CLSTN2: variants seen among roughly 807,000 people sequenced by gnomAD.
CLSTN2 encodes the protein calsyntenin 2, also known as calsyntenin-2.
Under a neutral mutation model 101.2 loss-of-function variants are expected in CLSTN2, and 48 were observed. That is an observed-to-expected ratio of 0.47 (90% CI 0.38 to 0.60). The LOEUF (loss-of-function observed/expected upper bound fraction) is 0.60, where lower values mean the gene tolerates loss of function less well. Ranked by LOEUF, CLSTN2 falls within the 20% of genes least tolerant of loss-of-function variation. CLSTN2 has a pLI of 0.00. For missense variants in CLSTN2, 1,160 were observed against 1,238.2 expected, an observed-to-expected ratio of 0.94 and a Z score of 0.95; for synonymous variants, 481 against 463.6, an observed-to-expected ratio of 1.04 and a Z score of -0.48.
chr3:140,546,658 G>A lies in CLSTN2; in HGVS notation c.1651G>A (p.Glu551Lys), dbSNP rs983353407. The A allele has an allele frequency of 6.2e-7, 1 of 1,612,996 alleles. No individual in the cohort carries two copies. Among genetic ancestry groups the A allele is most frequent in the Non-Finnish European group, 8.5e-7 (1 of 1,179,778 alleles). ...GGAAGGGCTGGACATTAATTCCTTG[G>A]AAAGCCTTGGCCAAGGAATAAAGGT... Reference protein sequence around the residue: ...CKEGLDINSLESLGQGIKYHF... With the variant: ...CKEGLDINSLKSLGQGIKYHF... Residue 551 changes from glutamate to lysine, a missense_variant, in exon 10 of 17, where the codon GAA becomes AAA. Physicochemically the swap from Glu to Lys is moderately conservative, Grantham distance 56. Coordinates refer to ENST00000458420, the MANE Select transcript of CLSTN2 (RefSeq NM_022131.3).
intron 2 of CLSTN2, among the ~76,000 whole-genome samples, chr3:140,345,264 T>TTTG (rs1241144183): frequency 0.033 from 4,895 of 149,580 alleles, 128 homozygotes; most frequent in Middle Eastern, 0.07. Context: ...TTTTTTTTTT[T>TTTG]TGAGACAGAG....
intron 9 of CLSTN2, among the ~76,000 whole-genome samples, chr3:140,542,750 T>C (rs370567003): frequency 2.4e-4 from 37 of 152,324 alleles, no homozygotes; most frequent in African/African-American, 8.4e-4. Context: ...TGAGAGAAGA[T>C]GGCTTATAGG....
At chr3:140,216,001 G>A (rs924135063) in intron 2 of CLSTN2, among the ~76,000 whole-genome samples, 3 of 152,200 alleles carry the variant, frequency 2.0e-5, no homozygotes, top group African/African-American at 4.8e-5. Context: ...TCCATGGCCT[G>A]TTAGGAACTG....
intron 2 of CLSTN2, among the ~76,000 whole-genome samples, chr3:140,383,329 T>G (rs1301808285): frequency 6.6e-6 from 1 of 152,186 alleles, no homozygotes; most frequent in African/African-American, 2.4e-5. Context: ...TGGTATATAA[T>G]GGGTGCCCAT....
intron 8 of CLSTN2, among the ~76,000 whole-genome samples, chr3:140,473,850 C>T (rs12639512): frequency 0.081 from 12,294 of 152,088 alleles, 638 homozygotes; most frequent in East Asian, 0.12. Flanking sequence ...CTCCGCCTCC[C>T]GGGCTCACGC....
intron 4 of CLSTN2, 32 bp downstream of exon 4, chr3:140,404,798 A>G: frequency 6.3e-7 from 1 of 1,582,934 alleles, no homozygotes; most frequent in Non-Finnish European, 8.7e-7. Flanking sequence ...CTGTGGGGTC[A>G]GGAAAACAAA....
intron 1 of CLSTN2, among the ~76,000 whole-genome samples, chr3:140,012,212 G>C (rs2007093222): frequency 6.6e-6 from 1 of 152,102 alleles, no homozygotes; most frequent in Non-Finnish European, 1.5e-5. Flanking sequence ...AGAATGCCAA[G>C]AGAAGGGAGG....
intron 1 of CLSTN2, among the ~76,000 whole-genome samples, chr3:140,087,785 G>T (rs1010741463): frequency 1.3e-5 from 2 of 152,312 alleles, no homozygotes; most frequent in South Asian, 2.1e-4. Flanking sequence ...GCTTCTCAGA[G>T]GAGGTGAATT....
intron 2 of CLSTN2, among the ~76,000 whole-genome samples, chr3:140,324,106 G>T (rs534243306): frequency 2.0e-5 from 3 of 152,196 alleles, no homozygotes; most frequent in Non-Finnish European, 4.4e-5. Context: ...TTTGTTGCCA[G>T]ATCTCTTCTA....
intron 2 of CLSTN2, among the ~76,000 whole-genome samples, chr3:140,263,631 C>A (rs1272602154): frequency 6.6e-6 from 1 of 152,136 alleles, no homozygotes; most frequent in Admixed American, 6.5e-5. Context: ...AGATGCTCCC[C>A]AAAAAACTTA....
intron 2 of CLSTN2, among the ~76,000 whole-genome samples, chr3:140,222,120 C>T (rs1445796211): frequency 1.3e-5 from 2 of 151,694 alleles, no homozygotes; most frequent in Non-Finnish European, 2.9e-5. Context: ...ATATACAAAA[C>T]GGGGTGCTGG....
At chr3:139,957,497 T>C (rs66817550) in intron 1 of CLSTN2, among the ~76,000 whole-genome samples, 2,019 of 152,262 alleles carry the variant, frequency 0.013, 24 homozygotes, top group Middle Eastern at 0.044. Flanking sequence ...TTTACTTTTT[T>C]TTTTTTTATC....
Position 140,576,596 on chromosome 3 carries a change from G to A in CLSTN2, c.*10343G>A, listed in dbSNP as rs914244219. On this transcript the variant is annotated 3_prime_UTR_variant, in exon 17 of 17. Coordinates refer to ENST00000458420, the MANE Select transcript of CLSTN2 (RefSeq NM_022131.3). ...GTGTGGGAAAGGCCTGAAAGAGAGAGGTATGTTTTCTCTCCTCCAGAGTCT... is the reference window on the plus strand; with the variant it reads ...GTGTGGGAAAGGCCTGAAAGAGAGAAGTATGTTTTCTCTCCTCCAGAGTCT... The A allele has an allele frequency of 1.2e-4, 19 of 152,196 alleles. No individual in the cohort carries two copies. Among genetic ancestry groups the A allele is most frequent in the African/African-American group, 4.3e-4 (18 of 41,442 alleles). 9.4% of individuals were successfully genotyped at this position (152,196 alleles called of 1,614,324 possible). A position where few individuals can be genotyped will look rare whatever the true frequency, so the allele number is the denominator to read the frequency against.
chr3:140,466,659 C>T lies in CLSTN2; in HGVS notation c.1272C>T (p.Val424=). The part of the protein sequence containing the change: ...YALYVHNCRL[V]FLLRKDFDQA... ...TGTATGTGCACAACTGCCGCCTCGTCTTTCTCTTGCGGAAGGACTTCGACC... is the reference window on the plus strand; with the variant it reads ...TGTATGTGCACAACTGCCGCCTCGTTTTTCTCTTGCGGAAGGACTTCGACC... The change falls in exon 8 of 17, where the codon GTC becomes GTT. Residue 424 remains valine, a synonymous_variant. Transcript: ENST00000458420. 9.9e-6 allele frequency: 16 copies of T among 1,614,202 alleles called. No individual in the cohort carries two copies. Among genetic ancestry groups the T allele is most frequent in the Non-Finnish European group, 1.4e-5 (16 of 1,180,024 alleles).
intron 1 of CLSTN2, among the ~76,000 whole-genome samples, chr3:140,058,540 A>G (rs552185205): frequency 2.0e-5 from 3 of 152,266 alleles, no homozygotes; most frequent in Admixed American, 1.3e-4. Context: ...GAAGGGGGTG[A>G]TATCTTTGGG....
chr3:140,369,975 C>T (rs2087833077), intron 2 of CLSTN2, among the ~76,000 whole-genome samples: 1 of 152,236 alleles, frequency 6.6e-6, no homozygotes, highest in African/African-American at 2.4e-5. Flanking sequence ...AATTAGGATT[C>T]TTTCCATTGG....
intron 2 of CLSTN2, among the ~76,000 whole-genome samples, chr3:140,286,321 CTT>C (rs140285998): frequency 0.022 from 3,360 of 152,230 alleles, 103 homozygotes; most frequent in African/African-American, 0.076. Context: ...TGGGGAAACT[CTT>C]TGGACTATTT....
intron 5 of CLSTN2, among the ~76,000 whole-genome samples, chr3:140,430,327 A>T (rs896385569): frequency 6.6e-6 from 1 of 152,250 alleles, no homozygotes; most frequent in African/African-American, 2.4e-5. Flanking sequence ...AGCAAAGTGT[A>T]GCCTATAGGC....
chr3:140,312,695 A>G (rs76136989), intron 2 of CLSTN2, among the ~76,000 whole-genome samples: 166 of 152,336 alleles, frequency 1.1e-3, no homozygotes, highest in African/African-American at 3.9e-3. Context: ...AGCAAAGTGA[A>G]CTCTGTAAAA....
Sources: gnomAD v4.1 joint callset for allele counts (sites outside exome capture counted in the v4.1 genomes callset) on GRCh38, gnomAD v4.1.1 for gene constraint, MANE v1.5 for transcripts, NCBI Gene and HGNC (gene_info 2026-07-23, HGNC 2026-07-21) for gene names.